SLC39A10: variants seen among roughly 807,000 people sequenced by gnomAD.
The protein encoded by SLC39A10 is zinc transporter ZIP10.
Under a neutral mutation model 65.1 loss-of-function variants are expected in SLC39A10, and 13 were observed. The observed-to-expected ratio is 0.20, with a 90% CI of 0.13 to 0.32. The LOEUF (loss-of-function observed/expected upper bound fraction) is 0.32. SLC39A10 is among the 10% of genes least tolerant of loss of function. SLC39A10 has a pLI of 1.00. For synonymous variants in SLC39A10, 321 were observed against 342.2 expected (o/e 0.94, Z 0.68); for missense variants, 831 against 1,018.4 (o/e 0.82, Z 2.50).
chr2:195,706,914 A>AT lies in SLC39A10; in HGVS notation c.1386+136dup, dbSNP rs1270349635. The AT allele has an allele frequency of 1.0e-4, 62 of 595,376 alleles. No homozygotes were observed. In the Admixed American group the frequency reaches 2.3e-3, roughly 22 times the overall value. The allele number at this position is 595,376 out of a possible 1,614,324, so 36.9% of individuals were successfully genotyped here. A position where few individuals can be genotyped will look rare whatever the true frequency, so the allele number is the denominator to read the frequency against. The stretch of plus-strand genomic sequence containing the variant: ...GTTTTATTTGCTTATAGGATGAAGT[A>AT]TTTTTTTCTCCATTTTCAGAGTTTT... On this transcript the variant is annotated intron_variant, in intron 4 of 9. Transcript: ENST00000359634.
rs34084933 is a variant in SLC39A10, at chr2:195,737,470, TAACA to T, written c.*2439_*2442del. On this transcript the variant is annotated 3_prime_UTR_variant, in exon 10 of 10. Transcript: ENST00000359634. ...TAGATGCAGTGTGAATTTTTTCCAT[TAACA>T]AACAAACAAGTCAGTGGCTTAAATG... is the stretch of plus-strand genomic sequence containing the variant. The T allele has an allele frequency of 8.9e-4, 144 of 161,030 alleles. No individual in the cohort carries two copies. Among genetic ancestry groups the T allele is most frequent in the Non-Finnish European group, 1.5e-3 (108 of 72,882 alleles). The allele number at this position is 161,030 out of a possible 1,614,324, so 10.0% of individuals were successfully genotyped here. A position where few individuals can be genotyped will look rare whatever the true frequency, so the allele number is the denominator to read the frequency against.
chr2:195,691,471 C>T (rs1037090682), intron 3 of SLC39A10, among the ~76,000 whole-genome samples: 21 of 152,192 alleles, frequency 1.4e-4, no homozygotes, highest in African/African-American at 4.6e-4. Context: ...TACTAGTTTA[C>T]ATTCCCACCA....
chr2:195,729,691 T>C (rs1360156624), intron 9 of SLC39A10, among the ~76,000 whole-genome samples: 1 of 152,176 alleles, frequency 6.6e-6, no homozygotes, highest in Non-Finnish European at 1.5e-5. Context: ...CCTATAAACC[T>C]CATATTACTT....
chr2:195,737,470 T>TAACA lies in SLC39A10; in HGVS notation c.*2439_*2442dup, dbSNP rs34084933. The TAACA allele has an allele frequency of 0.024, 3,794 of 161,020 alleles. 63 individuals are homozygous for TAACA. Among genetic ancestry groups the TAACA allele is most frequent in the Non-Finnish European group, 0.03 (2,204 of 72,874 alleles). 10.0% of individuals were successfully genotyped at this position (161,020 alleles called of 1,614,324 possible). On this transcript the variant is annotated 3_prime_UTR_variant, in exon 10 of 10. Transcript: ENST00000359634. Reference sequence around the variant, plus strand: ...TAGATGCAGTGTGAATTTTTTCCATTAACAAACAAACAAGTCAGTGGCTTA... The same window carrying TAACA: ...TAGATGCAGTGTGAATTTTTTCCATTAACAAACAAACAAACAAGTCAGTGGCTTA...
Position 195,680,340 on chromosome 2 carries a change from A to G in SLC39A10, c.298A>G (p.Asn100Asp). 6.2e-7 allele frequency: 1 copy of G among 1,614,182 alleles called. No individual in the cohort carries two copies. The highest frequency in any genetic ancestry group is 8.5e-7 in the Non-Finnish European group (1 of 1,180,038). ...TGGAGAGAGAAAAGTAGTTGAGATT[A>G]ATCATGAGGATCTTGGCCACGATCA... ...GLGERKVVEI[N>D]HEDLGHDHVS... The change falls in exon 2 of 10, where the codon AAT (asparagine) becomes GAT (aspartate). Residue 100 changes from asparagine to aspartate, a missense_variant. Transcript: ENST00000359634.
chr2:195,728,282 A>G lies in SLC39A10; in HGVS notation c.2270A>G (p.Asn757Ser), dbSNP rs1692315606. 1.2e-6 allele frequency: 2 copies of G among 1,613,968 alleles called. No individual in the cohort carries two copies. Among genetic ancestry groups the G allele is most frequent in the Non-Finnish European group, 1.7e-6 (2 of 1,179,936 alleles). The change falls in exon 9 of 10, where the codon AAT becomes AGT. Residue 757 changes from asparagine to serine, a missense_variant. Asn to Ser is a conservative substitution (Grantham distance 46). Coordinates refer to ENST00000359634, the MANE Select transcript of SLC39A10 (RefSeq NM_020342.3). This position sits in a 1 kb window ranked among gnomAD's most constrained non-coding sequence, Gnocchi z 4.4. ...GGCACAGCTGTTGGTCAGTATGCCAATAACATCACACTTTGGATCTTTGCA... is the reference window on the plus strand; with the variant it reads ...GGCACAGCTGTTGGTCAGTATGCCAGTAACATCACACTTTGGATCTTTGCA... ...LIGTAVGQYA[N>S]NITLWIFAVT...
rs1279590605 is a variant in SLC39A10 at position 195,716,924 on chromosome 2, A to G, written c.1984A>G (p.Lys662Glu). 1 of 1,614,218 alleles carries G rather than the reference A, an allele frequency of 6.2e-7. No individual in the cohort carries two copies. The highest frequency in any genetic ancestry group is 1.1e-5 in the South Asian group (1 of 91,078). ...HGPCHSGSDL[K>E]ETGIANIAWM... is the part of the protein sequence containing the mutation. ...CCCCTGTCATTCTGGATCCGATCTG[A>G]AAGAAACAGGAATAGCTAATATAGC... is the stretch of plus-strand genomic sequence containing the variant. Residue 662 changes from lysine to glutamate, a missense_variant, in exon 7 of 10, where the codon AAA (lysine) becomes GAA (glutamate). Coordinates refer to ENST00000359634, the MANE Select transcript of SLC39A10 (RefSeq NM_020342.3).
At chr2:195,616,893 G>A (rs899104322) in intron 2 of SLC39A10, among the ~76,000 whole-genome samples, 1 of 152,072 alleles carries the variant, frequency 6.6e-6, no homozygotes, top group African/African-American at 2.4e-5. Flanking sequence ...GGGAGCCACC[G>A]CCCCCGGCCC....
At chr2:195,629,436 C>G (rs1315834583) in intron 2 of SLC39A10, among the ~76,000 whole-genome samples, 1 of 151,920 alleles carries the variant, frequency 6.6e-6, no homozygotes, top group Non-Finnish European at 1.5e-5. Context: ...TTCAACCCAC[C>G]CCCACACACA....
intron 1 of SLC39A10, among the ~76,000 whole-genome samples, chr2:195,671,074 T>C (rs1195774620): frequency 6.6e-6 from 1 of 152,202 alleles, no homozygotes; most frequent in East Asian, 1.9e-4. Flanking sequence ...CCTCTCATGA[T>C]TCTGCCCAGT....
chr2:195,687,864 A>C (rs1690585796), intron 3 of SLC39A10, among the ~76,000 whole-genome samples: 1 of 152,210 alleles, frequency 6.6e-6, no homozygotes, highest in African/African-American at 2.4e-5. Flanking sequence ...TTAATTACCA[A>C]GGGGGGATGT....
At chr2:195,651,717 C>T (rs1283050950) in intron 2 of SLC39A10, among the ~76,000 whole-genome samples, 2 of 152,162 alleles carry the variant, frequency 1.3e-5, no homozygotes, top group Non-Finnish European at 2.9e-5. Context: ...TCAAGTGATC[C>T]ACCCGCTTTG....
chr2:195,678,481 G>T (rs1037878341), intron 1 of SLC39A10, among the ~76,000 whole-genome samples: 3 of 150,376 alleles, frequency 2.0e-5, no homozygotes, highest in Admixed American at 6.6e-5. Flanking sequence ...TTTTCATATT[G>T]ATTTATAGAA....
chr2:195,706,147 G>A (rs1253190475), intron 3 of SLC39A10, among the ~76,000 whole-genome samples: 1 of 152,000 alleles, frequency 6.6e-6, no homozygotes, highest in Admixed American at 6.6e-5. Flanking sequence ...TCCATTTGGG[G>A]CTATGTTACA....
At chr2:195,713,860 A>T (rs1288670546) in intron 6 of SLC39A10, among the ~76,000 whole-genome samples, 2 of 152,190 alleles carry the variant, frequency 1.3e-5, no homozygotes, top group Non-Finnish European at 2.9e-5. Flanking sequence ...CTTGTGCTAT[A>T]AAGATAAGAA....
At position 195,680,263 on chromosome 2, in the gene SLC39A10, A is replaced by G. The variant is rs1470386175; in HGVS notation, c.221A>G (p.Asn74Ser). The G allele has an allele frequency of 3.1e-6, 5 of 1,613,874 alleles. No individual in the cohort carries two copies. Among genetic ancestry groups the G allele is most frequent in the South Asian group, 2.2e-5 (2 of 90,982 alleles). ...IEKLFERYGE[N>S]GRLSFFGLEK... is the part of the protein sequence containing the mutation. ...AAACTTTTTGAGCGTTATGGTGAAA[A>G]TGGAAGATTATCCTTTTTTGGTTTG... Residue 74 changes from asparagine to serine, a missense_variant, in exon 2 of 10, where the codon AAT becomes AGT. Around this residue, in one of 4 missense-constraint regions of SLC39A10, gnomAD observed 446 missense variants for 499.2 expected, o/e 0.89. Transcript: ENST00000359634.
chr2:195,657,458 G>T, intron 1 of SLC39A10, 177 bp downstream of exon 1: 2 of 985,948 alleles, frequency 2.0e-6, no homozygotes, highest in Non-Finnish European at 2.4e-6. Flanking sequence ...TGCAGTCGGC[G>T]GCGGCCAGCC....
intron 2 of SLC39A10, among the ~76,000 whole-genome samples, chr2:195,624,421 C>A (rs1275035850): frequency 4.9e-5 from 7 of 144,328 alleles, no homozygotes; most frequent in Non-Finnish European, 9.1e-5. Context: ...AGGAAGAAGG[C>A]CTAAAAACAA....
chr2:195,686,847 A>G (rs536459535), intron 3 of SLC39A10, among the ~76,000 whole-genome samples: 4 of 152,320 alleles, frequency 2.6e-5, no homozygotes, highest in East Asian at 3.9e-4. Flanking sequence ...TTCCTCCTGA[A>G]AAGGTTTTGG....
Sources: gnomAD v4.1 joint callset for allele counts (sites outside exome capture counted in the v4.1 genomes callset) on GRCh38, gnomAD v4.1.1 for gene constraint, gnomAD v4.1.1 regional missense constraint, Gnocchi (gnomAD v3.1) non-coding constraint, MANE v1.5 for transcripts, NCBI Gene and HGNC (gene_info 2026-07-23, HGNC 2026-07-21) for gene names.